ZNF112: variants seen among roughly 807,000 people sequenced by gnomAD.
ZNF112 encodes the protein zinc finger protein 112.
A neutral mutation model predicts 77.7 loss-of-function variants in ZNF112; 37 were observed. The observed-to-expected ratio is 0.48, with a 90% CI of 0.37 to 0.63. The LOEUF is 0.63. ZNF112 is among the 20% of genes least tolerant of loss of function. ZNF112 has a pLI of 0.00. For missense variants in ZNF112, 950 were observed against 1,077.4 expected (o/e 0.88, Z 1.66); for synonymous variants, 333 against 363.6 (o/e 0.92, Z 0.96).
upstream of ZNF112, among the ~76,000 whole-genome samples, chr19:44,358,418 T>C (rs2123224040): frequency 6.6e-6 from 1 of 152,288 alleles, no homozygotes; most frequent in East Asian, 1.9e-4. Context: ...GAGCAAACTT[T>C]TTAAATGTCA....
chr19:44,340,636 C>A, intron 1 of ZNF112, 94 bp from the exon 2 acceptor site: 1 of 1,569,804 alleles, frequency 6.4e-7, no homozygotes, highest in Admixed American at 1.8e-5. Context: ...GTCTGGGCAA[C>A]TTGAGTCACA....
intron 1 of ZNF112, among the ~76,000 whole-genome samples, chr19:44,347,009 T>C (rs1352287830): frequency 6.6e-6 from 1 of 152,244 alleles, no homozygotes; most frequent in African/African-American, 2.4e-5. Context: ...TTCTACTGAT[T>C]ACTGATAAAA....
chr19:44,331,102 A>G (rs1324626343), intron 3 of ZNF112, among the ~76,000 whole-genome samples: 2 of 152,240 alleles, frequency 1.3e-5, no homozygotes, highest in Non-Finnish European at 1.5e-5. Flanking sequence ...GGCTTAGAGA[A>G]TAATAAGCTC....
intron 1 of ZNF112, among the ~76,000 whole-genome samples, chr19:44,362,158 A>G (rs1970860847): frequency 6.6e-6 from 1 of 152,192 alleles, no homozygotes; most frequent in African/African-American, 2.4e-5. Flanking sequence ...ATAAATCATT[A>G]AGAAAGAATA....
intron 1 of ZNF112, among the ~76,000 whole-genome samples, chr19:44,344,592 T>C (rs1375682822): frequency 6.6e-6 from 1 of 152,178 alleles, no homozygotes; most frequent in Non-Finnish European, 1.5e-5. Flanking sequence ...TTTCTTTCAC[T>C]CATCCAATAT....
At chr19:44,331,453 T>C (rs189104641) in intron 3 of ZNF112, among the ~76,000 whole-genome samples, 1 of 152,346 alleles carries the variant, frequency 6.6e-6, no homozygotes, top group East Asian at 1.9e-4. Context: ...GATCTTCATA[T>C]ACTAGTGACA....
rs756612281 is a variant in ZNF112 at position 44,328,537 on chromosome 19, G to C, written c.1620C>G (p.Val540=). 4.4e-6 allele frequency: 7 copies of C among 1,604,316 alleles called. No homozygotes were observed. The highest frequency in any genetic ancestry group is 6.0e-6 in the Non-Finnish European group (7 of 1,173,710). The change falls in exon 4 of 4, where the codon GTC becomes GTG. Residue 540 remains valine, a synonymous_variant. Transcript: ENST00000354340. The stretch of plus-strand genomic sequence containing the variant: ...ATTTATAAGGTTTCTCTCCTGTGTG[G>C]ACTCTCTGATGAACATTCAGAACTG... ...HRSVLNVHQR[V]HTGEKPYKCE...
intron 1 of ZNF112, among the ~76,000 whole-genome samples, chr19:44,356,142 C>A (rs143587797): frequency 6.1e-4 from 93 of 152,290 alleles, no homozygotes; most frequent in African/African-American, 2.1e-3. Context: ...TTCACAGAAG[C>A]TTTCAGGGAA....
At chr19:44,364,961 G>T in intron 1 of ZNF112, among the ~76,000 whole-genome samples, 1 of 152,062 alleles carries the variant, frequency 6.6e-6, no homozygotes, top group Non-Finnish European at 1.5e-5. Flanking sequence ...GTCTTGTTTG[G>T]TATTATCAGA....
chr19:44,358,760 T>C (rs769484076), upstream of ZNF112, among the ~76,000 whole-genome samples: 10 of 152,156 alleles, frequency 6.6e-5, no homozygotes, highest in Non-Finnish European at 1.5e-4. Flanking sequence ...AACTAAATGA[T>C]TCATGTGTGC....
chr19:44,328,254 C>G lies in ZNF112; in HGVS notation c.1903G>C (p.Glu635Gln). ...HTGEKPFKCEECGKGFSWSFN... is the reference protein window; with the variant it reads ...HTGEKPFKCEQCGKGFSWSFN... ...CTCCAACTGAACCCCTTCCCACATT[C>G]CTCACATTTGAATGGTTTTTCTCCA... The change falls in exon 4 of 4, where the codon GAA becomes CAA. Residue 635 changes from glutamate (E) to glutamine (Q), a missense_variant. Physicochemically the swap from Glu to Gln is conservative, Grantham distance 29 (BLOSUM62 2). Transcript: ENST00000354340. The G allele has an allele frequency of 6.2e-7, 1 of 1,614,010 alleles. No homozygotes were observed. Among genetic ancestry groups the G allele is most frequent in the Non-Finnish European group, 8.5e-7 (1 of 1,179,980 alleles).
chr19:44,341,321 C>A (rs1322793237), intron 1 of ZNF112: 1 of 391,756 alleles, frequency 2.6e-6, no homozygotes, highest in Non-Finnish European at 5.0e-6. Flanking sequence ...TTGAGGTTAC[C>A]TATACGAACA....
chr19:44,351,539 A>G (rs1970691841), intron 1 of ZNF112, among the ~76,000 whole-genome samples: 1 of 152,148 alleles, frequency 6.6e-6, no homozygotes, highest in Admixed American at 6.6e-5. Flanking sequence ...TTTTGATGAC[A>G]AGGAATAGCA....
intron 1 of ZNF112, chr19:44,341,064 T>C (rs1970480332): frequency 4.5e-6 from 2 of 448,346 alleles, no homozygotes; most frequent in Admixed American, 4.9e-5. Flanking sequence ...AGCTCTATGA[T>C]CTTGGACAAG....
intron 1 of ZNF112, among the ~76,000 whole-genome samples, chr19:44,366,075 C>T (rs1398408493): frequency 1.3e-5 from 2 of 152,134 alleles, no homozygotes; most frequent in Admixed American, 1.3e-4. Flanking sequence ...TTAGGCCAGG[C>T]CTGGTGGCTC....
chr19:44,342,158 C>A (rs1476412627), intron 1 of ZNF112, among the ~76,000 whole-genome samples: 1 of 152,118 alleles, frequency 6.6e-6, no homozygotes, highest in Admixed American at 6.6e-5. Context: ...AAAATTAATA[C>A]ATGAATAATG....
At chr19:44,341,051 G>A in intron 1 of ZNF112, 1 of 440,934 alleles carries the variant, frequency 2.3e-6, no homozygotes, top group South Asian at 1.6e-5. Flanking sequence ...TCTGCCCAAT[G>A]CTAGCTCTAT....
chr19:44,356,733 G>T (rs1970794401), upstream of ZNF112: 3 of 152,052 alleles, frequency 2.0e-5, no homozygotes, highest in African/African-American at 7.2e-5. Context: ...CGGGATCAGG[G>T]AGACGGCCTC....
intron 1 of ZNF112, among the ~76,000 whole-genome samples, chr19:44,364,222 T>G (rs1289470501): frequency 6.6e-6 from 1 of 152,172 alleles, no homozygotes; most frequent in African/African-American, 2.4e-5. Flanking sequence ...TTATCAGTAT[T>G]TTTAATATCT....
Sources: gnomAD v4.1 joint callset for allele counts (sites outside exome capture counted in the v4.1 genomes callset) on GRCh38, gnomAD v4.1.1 for gene constraint, MANE v1.5 for transcripts, NCBI Gene and HGNC (gene_info 2026-07-23, HGNC 2026-07-21) for gene names.